Variants in LARS2 observed in about 807,000 individuals in gnomAD.
LARS2 encodes leucyl-tRNA synthetase 2, mitochondrial.
Under a neutral mutation model 116.6 loss-of-function variants are expected in LARS2, and 81 were observed. The ratio of observed to expected loss-of-function variants is 0.69; its 90% CI spans 0.58 to 0.84. LARS2 has a LOEUF of 0.84. Ranked by LOEUF, LARS2 falls within the 40% of genes least tolerant of loss-of-function variation. The pLI is 0.00. For missense variants in LARS2, 968 were observed against 1,114.5 expected (o/e 0.87, Z 1.87); for synonymous variants, 396 against 407.2 (o/e 0.97, Z 0.33).
At position 45,548,007 on chromosome 3, in the gene LARS2, A is replaced by G. The variant is rs1314830713; in HGVS notation, c.*477A>G. On this transcript the variant is annotated 3_prime_UTR_variant, in exon 22 of 22. Transcript: ENST00000645846. Reference sequence around the variant, plus strand: ...TTGGAACTGCTAACTGAGCCTCCAGATGGTAGTGAATGGTCTCTTTGCCTT... The same window carrying G: ...TTGGAACTGCTAACTGAGCCTCCAGGTGGTAGTGAATGGTCTCTTTGCCTT... 1 of 153,726 alleles carries G rather than the reference A, an allele frequency of 6.5e-6. No homozygotes were observed. The highest frequency in any genetic ancestry group is 1.9e-4 in the East Asian group (1 of 5,236). 9.5% of individuals were successfully genotyped at this position (153,726 alleles called of 1,614,324 possible).
chr3:45,514,358 C>T (rs1002158876), intron 16 of LARS2, among the ~76,000 whole-genome samples: 4 of 152,210 alleles, frequency 2.6e-5, no homozygotes, highest in African/African-American at 9.7e-5. Context: ...AAATGGTAGG[C>T]AGCCTCTCCA....
chr3:45,469,526 G>C (rs1343765235), intron 8 of LARS2, among the ~76,000 whole-genome samples: 1 of 151,854 alleles, frequency 6.6e-6, no homozygotes, highest in Non-Finnish European at 1.5e-5. Context: ...TTGTATTTTT[G>C]TTAGAGACGG....
intron 3 of LARS2, among the ~76,000 whole-genome samples, chr3:45,395,597 C>G (rs965455452): frequency 3.9e-5 from 6 of 152,100 alleles, no homozygotes; most frequent in African/African-American, 1.4e-4. Flanking sequence ...TAATACAAAC[C>G]CTCTATGTTT....
At chr3:45,434,292 G>C (rs924606027) in intron 6 of LARS2, among the ~76,000 whole-genome samples, 1 of 152,076 alleles carries the variant, frequency 6.6e-6, no homozygotes, top group Admixed American at 6.5e-5. Context: ...TTTTCTCTCT[G>C]TTGTTCATTC....
intron 4 of LARS2, among the ~76,000 whole-genome samples, chr3:45,413,248 A>G (rs746060719): frequency 6.6e-6 from 1 of 152,218 alleles, no homozygotes; most frequent in Non-Finnish European, 1.5e-5. Flanking sequence ...CTTGTCAGAA[A>G]GCAACTATGT....
chr3:45,428,730 A>G (rs902391300), intron 6 of LARS2, among the ~76,000 whole-genome samples: 5 of 152,116 alleles, frequency 3.3e-5, no homozygotes, highest in African/African-American at 1.2e-4. Flanking sequence ...TTTCCCCTCT[A>G]TTTTTTATTA....
chr3:45,481,731 AT>A (rs1346295904), intron 10 of LARS2, among the ~76,000 whole-genome samples: 2 of 151,866 alleles, frequency 1.3e-5, no homozygotes, highest in Non-Finnish European at 2.9e-5. Flanking sequence ...TATTTTAACC[AT>A]TTTTTATATA....
intron 6 of LARS2, among the ~76,000 whole-genome samples, chr3:45,430,311 C>T (rs71325061): frequency 7.0e-6 from 1 of 141,998 alleles, no homozygotes; most frequent in African/African-American, 2.6e-5. Context: ...CAGAGTCTGG[C>T]TCTGTCGCCC....
intron 10 of LARS2, among the ~76,000 whole-genome samples, chr3:45,477,875 A>G (rs538606132): frequency 5.9e-5 from 9 of 152,280 alleles, no homozygotes; most frequent in African/African-American, 2.2e-4. Context: ...TGTCATCCCA[A>G]TTTCTCTCTG....
chr3:45,547,298 C>T, intron 21 of LARS2, 53 bp from the exon 22 acceptor site: 1 of 1,525,508 alleles, frequency 6.6e-7, no homozygotes, highest in Non-Finnish European at 8.9e-7. Context: ...ATTGGGCCGC[C>T]TGCCACTCTG....
chr3:45,417,725 A>T, intron 5 of LARS2, 152 bp downstream of exon 5: 1 of 583,168 alleles, frequency 1.7e-6, no homozygotes, highest in Non-Finnish European at 3.1e-6. Flanking sequence ...TTTGTCTTTT[A>T]ACATATTGTA....
chr3:45,398,747 G>A (rs1698092708), intron 3 of LARS2, among the ~76,000 whole-genome samples: 1 of 152,154 alleles, frequency 6.6e-6, no homozygotes. Flanking sequence ...CAGGCTTTTG[G>A]AGCACAAAGG....
In LARS2 at chr3:45,411,315, C is replaced by T. The variant is rs191271240; in HGVS notation, c.364-6167C>T. 2.9e-3 allele frequency among the ~76,000 whole-genome samples: 449 copies of T among 152,300 alleles called. 4 individuals are homozygous for T. The highest frequency in any genetic ancestry group is 0.01 in the African/African-American group (433 of 41,556). On this transcript the variant is annotated intron_variant, in intron 4 of 21. Coordinates refer to ENST00000645846, the MANE Select transcript of LARS2 (RefSeq NM_015340.4). The stretch of plus-strand genomic sequence containing the variant: ...ACTATAGGAAAATTGACCTGGTTCC[C>T]GACACCCCTAGTAGAGAGCAGTTAT...
chr3:45,438,917 G>A (rs978925767), intron 6 of LARS2, among the ~76,000 whole-genome samples: 10 of 152,068 alleles, frequency 6.6e-5, no homozygotes, highest in Admixed American at 2.6e-4. Context: ...GGATCCCAAT[G>A]TGTCCTATCA....
At chr3:45,529,984 T>C (rs907446030) in intron 20 of LARS2, among the ~76,000 whole-genome samples, 6 of 152,178 alleles carry the variant, frequency 3.9e-5, no homozygotes, top group African/African-American at 1.2e-4. Context: ...AGAGCCCTAG[T>C]GCATCCTGTC....
At chr3:45,468,528 G>T (rs1278255833) in intron 8 of LARS2, among the ~76,000 whole-genome samples, 1 of 152,240 alleles carries the variant, frequency 6.6e-6, no homozygotes, top group Non-Finnish European at 1.5e-5. Flanking sequence ...AGGTGGCTCT[G>T]AGAATCAGAA....
intron 15 of LARS2, among the ~76,000 whole-genome samples, chr3:45,508,645 C>G (rs1700233817): frequency 6.6e-6 from 1 of 152,014 alleles, no homozygotes; most frequent in African/African-American, 2.4e-5. Context: ...AGCAGGCTCT[C>G]TGGGGCTTCA....
intron 13 of LARS2, among the ~76,000 whole-genome samples, chr3:45,493,105 C>CTT (rs544848178): frequency 2.1e-5 from 3 of 145,594 alleles, no homozygotes; most frequent in South Asian, 2.2e-4. Context: ...CCTGGATGAT[C>CTT]TTTTTTTTTT....
At position 45,462,911 on chromosome 3, in the gene LARS2, C is replaced by T. The variant is rs114093129; in HGVS notation, c.750+4025C>T. On this transcript the variant is annotated intron_variant, in intron 8 of 21. Transcript: ENST00000645846. Reference sequence around the variant, plus strand: ...CTGTGATATATTTGATTTTTCTCCTCTTACCCCCAACCCAGTCCTCCTAGG... The same window carrying T: ...CTGTGATATATTTGATTTTTCTCCTTTTACCCCCAACCCAGTCCTCCTAGG... Among the ~76,000 whole-genome samples, 277 of 152,326 alleles carry T rather than the reference C, an allele frequency of 1.8e-3. 3 individuals are homozygous for T. Among genetic ancestry groups the T allele is most frequent in the African/African-American group, 6.4e-3 (266 of 41,584 alleles).
Sources: allele counts gnomAD v4.1 joint callset (sites outside exome capture counted in the v4.1 genomes callset), GRCh38; gene constraint gnomAD v4.1.1; transcripts MANE v1.5; gene names NCBI Gene and HGNC (gene_info 2026-07-23, HGNC 2026-07-21).